Variants in ZMYND11 observed in about 807,000 individuals in gnomAD.
ZMYND11 encodes the protein zinc finger MYND domain-containing protein 11.
Under a neutral mutation model 84.9 loss-of-function variants are expected in ZMYND11, and 9 were observed. The observed-to-expected ratio is 0.11, with a 90% CI of 0.06 to 0.18. The LOEUF (loss-of-function observed/expected upper bound fraction) is 0.18, where lower values mean the gene tolerates loss of function less well. Among genes scored for constraint, ZMYND11 ranks in the 10% least tolerant of loss-of-function variants. The pLI is 1.00. For missense variants in ZMYND11, 409 were observed against 761.0 expected, an observed-to-expected ratio of 0.54 and a Z score of 5.44; for synonymous variants, 250 against 244.1, an observed-to-expected ratio of 1.02 and a Z score of -0.23.
chr10:203,758 A>G (rs1438965655), intron 2 of ZMYND11, among the ~76,000 whole-genome samples: 2 of 152,168 alleles, frequency 1.3e-5, no homozygotes, highest in African/African-American at 4.8e-5. Context: ...TGTGGAAAAA[A>G]GTCTTCTCCC....
At chr10:200,280 ATAAT>A (rs1197412783) in intron 2 of ZMYND11, among the ~76,000 whole-genome samples, 1 of 135,942 alleles carries the variant, frequency 7.4e-6, no homozygotes, top group Admixed American at 8.5e-5. Flanking sequence ...TATATAATAT[ATAAT>A]ATGTATAAAA....
At position 200,205 on chromosome 10, in the gene ZMYND11, G is replaced by GTGTGTGTGTGTGT. The variant is rs10523531; in HGVS notation, c.117-9684_117-9683insTGTGTGTGTGTGT. Among the ~76,000 whole-genome samples, 47 of 132,422 alleles carry GTGTGTGTGTGTGT rather than the reference G, an allele frequency of 3.5e-4. 2 individuals carry two copies. The highest frequency in any genetic ancestry group is 5.4e-4 in the Non-Finnish European group (34 of 63,208). The allele number at this position is 132,422 out of a possible 152,430, so 86.9% of individuals were successfully genotyped here. A position where few individuals can be genotyped will look rare whatever the true frequency, so the allele number is the denominator to read the frequency against. On this transcript the variant is annotated intron_variant, in intron 2 of 14. Coordinates refer to ENST00000381604, the MANE Select transcript of ZMYND11 (RefSeq NM_001370100.5). ...GACATGTGCTGCCATGCCTGGCTAG[G>GTGTGTGTGTGTGT]GTGTGTGTGTGTGTGTGTGTATAAT...
At position 238,096 on chromosome 10, in the gene ZMYND11, C is replaced by CA. The variant is rs921188798; in HGVS notation, c.609+427dup. 1.4e-3 allele frequency among the ~76,000 whole-genome samples: 208 copies of CA among 151,890 alleles called. 1 individual carries two copies. Among genetic ancestry groups the CA allele is most frequent in the African/African-American group, 4.8e-3 (201 of 41,448 alleles). On this transcript the variant is annotated intron_variant, in intron 6 of 14. Transcript: ENST00000381604. ...CCGTCTTGGGAAACAATAAAATGAA[C>CA]AAAAAAAATTATGATTAGAAAAGTT...
At chr10:151,626 G>A (rs537273588) in intron 1 of ZMYND11, among the ~76,000 whole-genome samples, 9 of 152,298 alleles carry the variant, frequency 5.9e-5, no homozygotes, top group East Asian at 1.9e-4. Flanking sequence ...ATGGAACCAA[G>A]TTGGAAAACA....
intron 6 of ZMYND11, among the ~76,000 whole-genome samples, chr10:238,708 G>GAT (rs1950398568): frequency 6.6e-6 from 1 of 152,160 alleles, no homozygotes; most frequent in Admixed American, 6.5e-5. Flanking sequence ...TTCAATATAA[G>GAT]ATAAGGGTAA....
intron 2 of ZMYND11, among the ~76,000 whole-genome samples, chr10:205,794 C>CT (rs999797445): frequency 1.8e-3 from 265 of 144,894 alleles, no homozygotes; most frequent in African/African-American, 2.6e-3. Context: ...TTTTAAGTAA[C>CT]TTTTTTTTTT....
chr10:156,680 A>G (rs1841796438), intron 1 of ZMYND11, among the ~76,000 whole-genome samples: 1 of 152,224 alleles, frequency 6.6e-6, no homozygotes, highest in African/African-American at 2.4e-5. Flanking sequence ...TAATGTGAGA[A>G]CCATAAATTT....
chr10:218,405 T>C (rs1340905609), intron 3 of ZMYND11: 1 of 250,282 alleles, frequency 4.0e-6, no homozygotes, highest in Non-Finnish European at 8.6e-6. Flanking sequence ...GCCTGACATT[T>C]AGCAAAGTTA....
intron 1 of ZMYND11, among the ~76,000 whole-genome samples, chr10:136,704 C>T (rs1446567137): frequency 1.3e-5 from 2 of 151,956 alleles, no homozygotes; most frequent in African/African-American, 4.8e-5. Context: ...GTATGTAGTA[C>T]CTGGTGTCAT....
In ZMYND11 at chr10:250,973, A is replaced by C. The variant is rs368638630; in HGVS notation, c.1687-1375A>C. On this transcript the variant is annotated intron_variant, in intron 14 of 14. Transcript: ENST00000381604. Reference sequence around the variant, plus strand: ...AGGAGGCAGAGATCAAAATGAGCTGAGATTGTGCCACTGCACTCCAGCCTG... The same window carrying C: ...AGGAGGCAGAGATCAAAATGAGCTGCGATTGTGCCACTGCACTCCAGCCTG... Among the ~76,000 whole-genome samples the C allele has an allele frequency of 8.6e-4, 130 of 151,092 alleles. 3 individuals carry two copies. In the South Asian group the frequency reaches 0.027, roughly 31 times the overall value.
intron 5 of ZMYND11, 35 bp downstream of exon 5, chr10:236,950 C>G (rs867264623): frequency 1.3e-6 from 2 of 1,566,882 alleles, no homozygotes; most frequent in East Asian, 2.2e-5. Context: ...CAAAATATCC[C>G]AAAACACATT....
intron 1 of ZMYND11, among the ~76,000 whole-genome samples, chr10:173,219 G>A (rs1845782343): frequency 6.6e-6 from 1 of 152,192 alleles, no homozygotes; most frequent in Non-Finnish European, 1.5e-5. Context: ...GCAAAGGCAT[G>A]ATCCATGAAG....
In ZMYND11 at chr10:205,343, G is replaced by A. The variant is rs547692429; in HGVS notation, c.117-4546G>A. ...ATTTTTTTGTATGTTTGTGCTTTGT[G>A]TCTTCACTGTGAATTAGATTAGGTA... is the stretch of plus-strand genomic sequence containing the variant. On this transcript the variant is annotated intron_variant, in intron 2 of 14. Coordinates refer to ENST00000381604, the MANE Select transcript of ZMYND11 (RefSeq NM_001370100.5). 1.7e-4 allele frequency among the ~76,000 whole-genome samples: 26 copies of A among 152,152 alleles called. 1 individual carries two copies. In the South Asian group the frequency reaches 5.2e-3, roughly 30 times the overall value.
upstream of ZMYND11, among the ~76,000 whole-genome samples, chr10:131,924 C>T (rs1242776945): frequency 1.3e-5 from 2 of 152,050 alleles, no homozygotes; most frequent in African/African-American, 4.8e-5. Flanking sequence ...TTACAGAGTT[C>T]GGACCACAGC....
chr10:244,104 G>A (rs184606778), intron 10 of ZMYND11, among the ~76,000 whole-genome samples: 48 of 150,276 alleles, frequency 3.2e-4, no homozygotes, highest in Admixed American at 2.8e-3. Context: ...CCTTTTTCCT[G>A]GATACAATGT....
chr10:184,570 T>C (rs1293111157), intron 2 of ZMYND11, among the ~76,000 whole-genome samples: 1 of 152,192 alleles, frequency 6.6e-6, no homozygotes, highest in Non-Finnish European at 1.5e-5. Flanking sequence ...TTTCTTCTGA[T>C]TTATAGCTTG....
intron 4 of ZMYND11, among the ~76,000 whole-genome samples, chr10:235,197 G>T (rs1432075257): frequency 6.6e-6 from 1 of 151,958 alleles, no homozygotes; most frequent in East Asian, 1.9e-4. Context: ...AACCAATGCT[G>T]CTGACTAAAC....
intron 4 of ZMYND11, among the ~76,000 whole-genome samples, chr10:222,790 C>T (rs1947354612): frequency 6.6e-6 from 1 of 151,276 alleles, no homozygotes; most frequent in Non-Finnish European, 1.5e-5. Flanking sequence ...CTGGGTATGT[C>T]TGTGTCTCTA....
At chr10:181,888 G>T (rs1466492772) in intron 2 of ZMYND11, among the ~76,000 whole-genome samples, 1 of 152,068 alleles carries the variant, frequency 6.6e-6, no homozygotes, top group African/African-American at 2.4e-5. Context: ...TGCAAATGAT[G>T]TTGATGTAAA....
Sources: gnomAD v4.1 joint callset for allele counts (sites outside exome capture counted in the v4.1 genomes callset) on GRCh38, gnomAD v4.1.1 for gene constraint, MANE v1.5 for transcripts, NCBI Gene and HGNC (gene_info 2026-07-23, HGNC 2026-07-21) for gene names.